CRY2: variants seen among roughly 807,000 people sequenced by gnomAD.
CRY2 encodes cryptochrome-2.
A neutral mutation model predicts 69.5 loss-of-function variants in CRY2; 31 were observed. That is an observed-to-expected ratio of 0.45 (90% CI 0.34 to 0.60). The LOEUF (loss-of-function observed/expected upper bound fraction) is 0.60, where lower values mean the gene tolerates loss of function less well. Ranked by LOEUF, CRY2 falls within the 20% of genes least tolerant of loss-of-function variation. The probability of loss-of-function intolerance (pLI) is 0.02; values close to 1 mark genes in which losing one functional copy is unlikely to be tolerated. For missense variants in CRY2, 606 were observed against 797.8 expected, an observed-to-expected ratio of 0.76 and a Z score of 2.90; for synonymous variants, 303 against 312.2, an observed-to-expected ratio of 0.97 and a Z score of 0.31.
intron 1 of CRY2, among the ~76,000 whole-genome samples, chr11:45,851,283 G>A (rs554927883): frequency 1.3e-5 from 2 of 152,192 alleles, no homozygotes; most frequent in Non-Finnish European, 2.9e-5. Flanking sequence ...CCCTGGCTCT[G>A]TGCTGCGCCT....
At chr11:45,861,972 C>A in intron 4 of CRY2, 88 bp from the exon 5 acceptor site, 1 of 1,147,098 alleles carries the variant, frequency 8.7e-7, no homozygotes, top group Non-Finnish European at 1.3e-6. Flanking sequence ...TGGTTCAATT[C>A]TCATAAAGTT....
rs1294560014 is a variant in CRY2, at chr11:45,870,877, C to T, written c.1585C>T (p.Leu529Phe). ...ATCTGTCCCTTCCTGTGTGGAAGAC[C>T]TCAGTCACCCTGTGGCAGAGCCCAG... Reference protein sequence around the residue: ...LASVPSCVEDLSHPVAEPSSS... With the variant: ...LASVPSCVEDFSHPVAEPSSS... The change falls in exon 10 of 12, where the codon CTC becomes TTC. Residue 529 changes from leucine (L) to phenylalanine (F), a missense_variant. Around this residue, in one of 5 missense-constraint regions of CRY2, gnomAD observed 173 missense variants for 213.7 expected, o/e 0.81. Coordinates refer to ENST00000616080, the MANE Select transcript of CRY2 (RefSeq NM_021117.5). The T allele has an allele frequency of 5.0e-6, 8 of 1,613,436 alleles. No homozygotes were observed. Among genetic ancestry groups the T allele is most frequent in the Non-Finnish European group, 6.8e-6 (8 of 1,180,034 alleles).
At chr11:45,866,821 C>A (rs753551321) in intron 5 of CRY2, among the ~76,000 whole-genome samples, 4 of 152,020 alleles carry the variant, frequency 2.6e-5, no homozygotes, top group Non-Finnish European at 5.9e-5. Flanking sequence ...GTGGCTCACA[C>A]CTATAATCCC....
At chr11:45,878,343 A>G (rs2086439909) in intron 11 of CRY2, among the ~76,000 whole-genome samples, 1 of 152,180 alleles carries the variant, frequency 6.6e-6, no homozygotes, top group African/African-American at 2.4e-5. Context: ...ATCCCTGAAA[A>G]TGGATAAAAC....
intron 1 of CRY2, among the ~76,000 whole-genome samples, chr11:45,854,815 C>T (rs1296284048): frequency 2.0e-5 from 3 of 152,246 alleles, no homozygotes; most frequent in Non-Finnish European, 2.9e-5. Context: ...ATTAATTCAC[C>T]TCTGAGTGTC....
chr11:45,870,673 T>C, intron 9 of CRY2, 141 bp downstream of exon 9: 1 of 1,179,746 alleles, frequency 8.5e-7, no homozygotes, highest in Non-Finnish European at 1.2e-6. Context: ...TATGGGACAC[T>C]GCAGGCTGGG....
intron 5 of CRY2, 123 bp from the exon 6 acceptor site, chr11:45,867,489 T>TTCCATGGC (rs2086340200): frequency 7.7e-7 from 1 of 1,299,872 alleles, no homozygotes; most frequent in Non-Finnish European, 1.1e-6. Context: ...AAGCACAGTG[T>TTCCATGGC]TCCATGGCTC....
chr11:45,855,811 G>A (rs757861610), intron 1 of CRY2, among the ~76,000 whole-genome samples, 171 bp from the exon 2 acceptor site: 3 of 152,180 alleles, frequency 2.0e-5, no homozygotes, highest in Admixed American at 6.6e-5. Flanking sequence ...GCAGAGCAGC[G>A]CTGATCCACT....
intron 11 of CRY2, 134 bp downstream of exon 11, chr11:45,872,367 A>G: frequency 1.3e-6 from 1 of 797,960 alleles, no homozygotes; most frequent in Non-Finnish European, 2.0e-6. Context: ...CTCAGCCACT[A>G]AAGCTTTACC....
chr11:45,859,640 T>C (rs1451160825), intron 3 of CRY2, among the ~76,000 whole-genome samples: 1 of 151,630 alleles, frequency 6.6e-6, no homozygotes, highest in Non-Finnish European at 1.5e-5. Flanking sequence ...CGGGGAGGGC[T>C]CTAGAGATCC....
chr11:45,860,404 A>AC (rs1395908168), intron 3 of CRY2, among the ~76,000 whole-genome samples: 4 of 151,790 alleles, frequency 2.6e-5, no homozygotes, highest in Admixed American at 2.6e-4. Context: ...AAAAAAAAAA[A>AC]AACATGTCTT....
At chr11:45,851,868 G>A (rs2086201452) in intron 1 of CRY2, among the ~76,000 whole-genome samples, 1 of 152,130 alleles carries the variant, frequency 6.6e-6, no homozygotes, top group Non-Finnish European at 1.5e-5. Context: ...TTGAAGCAGA[G>A]GAACTTGGTC....
chr11:45,847,618 C>A lies in CRY2; in HGVS notation c.128C>A (p.Ala43Asp). ...RLHDNPALLA[A>D]VRGARCVRCV... ...CACGACAACCCGGCGTTGCTGGCGG[C>A]CGTGCGCGGGGCGCGCTGCGTGCGC... Residue 43 changes from alanine to aspartate, a missense_variant, in exon 1 of 12, where the codon GCC becomes GAC. Ala to Asp is a moderately radical substitution (Grantham distance 126). Transcript: ENST00000616080. The A allele has an allele frequency of 6.2e-7, 1 of 1,604,392 alleles. No homozygotes were observed. The highest frequency in any genetic ancestry group is 2.2e-5 in the East Asian group (1 of 44,518).
At chr11:45,855,031 C>G (rs1252699252) in intron 1 of CRY2, among the ~76,000 whole-genome samples, 1 of 152,154 alleles carries the variant, frequency 6.6e-6, no homozygotes, top group Non-Finnish European at 1.5e-5. Flanking sequence ...AATAGTTTAT[C>G]TGGTTATAAT....
intron 7 of CRY2, 40 bp from the exon 8 acceptor site, chr11:45,870,013 C>A: frequency 6.4e-7 from 1 of 1,551,036 alleles, no homozygotes; most frequent in Non-Finnish European, 8.7e-7. Context: ...AACATGGCTG[C>A]ATGTCCCCAA....
intron 1 of CRY2, among the ~76,000 whole-genome samples, chr11:45,851,886 G>A (rs1386440353): frequency 6.6e-6 from 1 of 152,174 alleles, no homozygotes; most frequent in African/African-American, 2.4e-5. Context: ...GTCAAGGACA[G>A]CCTGGACCCA....
At position 45,859,784 on chromosome 11, in the gene CRY2, T is replaced by TGCTGTTGCTGCTGCTGCC. The variant is rs538610010; in HGVS notation, c.467+912_467+929dup. On this transcript the variant is annotated intron_variant, in intron 3 of 11. Transcript: ENST00000616080. ...GCTGTCACCCTCCTGCTGCTGCTGCTGCTGTTGCTGCTGCTGCCAAGCCAG... is the reference window on the plus strand; with the variant it reads ...GCTGTCACCCTCCTGCTGCTGCTGCTGCTGTTGCTGCTGCTGCCGCTGTTGCTGCTGCTGCCAAGCCAG... 6.6e-5 allele frequency among the ~76,000 whole-genome samples: 10 copies of TGCTGTTGCTGCTGCTGCC among 152,156 alleles called. No homozygotes were observed. In the South Asian group the frequency reaches 2.1e-3, roughly 32 times the overall value.
chr11:45,878,315 C>T (rs1280339707), intron 11 of CRY2, among the ~76,000 whole-genome samples: 1 of 152,178 alleles, frequency 6.6e-6, no homozygotes, highest in Non-Finnish European at 1.5e-5. Flanking sequence ...AATCTTCATG[C>T]ACTCTTTATC....
In CRY2 at chr11:45,863,898, AT is replaced by A. The variant is rs2086309243; in HGVS notation, c.741+1751del. Among the ~76,000 whole-genome samples the A allele has an allele frequency of 2.0e-5, 3 of 152,190 alleles. No individual in the cohort carries two copies. The South Asian group carries it at 6.2e-4, about 31-fold the overall frequency. ...GTTACTGAAAAGCAGAGGAAGCTACATGATCTTTACCACTGGGTTACTCAAT... is the reference window on the plus strand; with the variant it reads ...GTTACTGAAAAGCAGAGGAAGCTACAGATCTTTACCACTGGGTTACTCAAT... On this transcript the variant is annotated intron_variant, in intron 5 of 11. Transcript: ENST00000616080.
Sources: allele counts gnomAD v4.1 joint callset (sites outside exome capture counted in the v4.1 genomes callset), GRCh38; gene constraint gnomAD v4.1.1; regional missense constraint gnomAD v4.1.1; transcripts MANE v1.5; gene names NCBI Gene and HGNC (gene_info 2026-07-23, HGNC 2026-07-21).